Variants in ATP5MK observed in about 807,000 individuals in gnomAD.
The protein encoded by ATP5MK is ATP synthase F(0) complex subunit k, mitochondrial.
A neutral mutation model predicts 6.6 loss-of-function variants in ATP5MK; 5 were observed. The ratio of observed to expected loss-of-function variants is 0.76; its 90% CI spans 0.40 to 1.60. The LOEUF (loss-of-function observed/expected upper bound fraction) is 1.60, where lower values mean the gene tolerates loss of function less well. Among genes scored for constraint, ATP5MK ranks in the 40% most tolerant of loss-of-function variants. ATP5MK has a pLI of 0.02. For missense variants in ATP5MK, 57 were observed against 66.6 expected, an observed-to-expected ratio of 0.86 and a Z score of 0.50; for synonymous variants, 30 against 24.5, an observed-to-expected ratio of 1.22 and a Z score of -0.66.
intron 2 of ATP5MK, among the ~76,000 whole-genome samples, chr10:103,392,830 G>A (rs1433100418): frequency 6.6e-6 from 1 of 152,136 alleles, no homozygotes; most frequent in African/African-American, 2.4e-5. Context: ...TCAAAAATTG[G>A]AGCTGGTATT....
chr10:103,390,634 C>CA (rs1161693488), intron 4 of ATP5MK, among the ~76,000 whole-genome samples: 2 of 151,750 alleles, frequency 1.3e-5, no homozygotes, highest in South Asian at 2.1e-4. Flanking sequence ...ACTAAAAATA[C>CA]AAAAAAATTA....
intron 4 of ATP5MK, among the ~76,000 whole-genome samples, chr10:103,389,752 GAC>G (rs1374129477): frequency 6.6e-6 from 1 of 151,398 alleles, no homozygotes; most frequent in Non-Finnish European, 1.5e-5. Flanking sequence ...TTTGTTCGGA[GAC>G]ACAGTCTCGC....
In ATP5MK at chr10:103,392,140, T is replaced by C. The variant is rs536529110; in HGVS notation, c.*3+51A>G. On this transcript the variant is annotated intron_variant, in intron 4 of 4. Coordinates refer to ENST00000369815, the MANE Select transcript of ATP5MK (RefSeq NM_001206427.2). ...TTTTATACTAAATGTTAGGGAAAAATCCTAACATCAAAATGGCTAAATTAT... is the reference window on the plus strand; with the variant it reads ...TTTTATACTAAATGTTAGGGAAAAACCCTAACATCAAAATGGCTAAATTAT... 6 of 1,499,848 alleles carry C rather than the reference T, an allele frequency of 4.0e-6. No individual in the cohort carries two copies. The African/African-American group carries it at 7.0e-5, about 18-fold the overall frequency. 92.9% of individuals were successfully genotyped at this position (1,499,848 alleles called of 1,614,324 possible).
At position 103,392,461 on chromosome 10, in the gene ATP5MK, T is replaced by A; in HGVS notation, c.-4A>T. 1 of 1,579,574 alleles carries A rather than the reference T, an allele frequency of 6.3e-7. No individual in the cohort carries two copies. The highest frequency in any genetic ancestry group is 8.6e-7 in the Non-Finnish European group (1 of 1,169,098). On this transcript the variant is annotated 5_prime_UTR_variant, in exon 3 of 5. Coordinates refer to ENST00000369815, the MANE Select transcript of ATP5MK (RefSeq NM_001206427.2). ...CATCACTTTCTGGACCTGCCATGAT[T>A]TCAATCTTTTAAAAAAAGAAAGAAA...
rs780231765 is a variant in ATP5MK at position 103,392,210 on chromosome 10, GC to G, written c.160del (p.Ala54LeufsTer2). ...YFKLRSKKTP[A>X]VKAT ...TCTTACCATTTATGTTGCTTTCACA[GC>G]TGGAGTTTTTTTGGACCTTAACTTG... On this transcript the variant is annotated frameshift_variant, in exon 4 of 5. Transcript: ENST00000369815. LOFTEE classifies it high-confidence loss of function. 1.6e-5 allele frequency: 25 copies of G among 1,612,830 alleles called. No individual in the cohort carries two copies. The East Asian group carries it at 5.6e-4, about 36-fold the overall frequency.
chr10:103,394,798 A>T (rs2093425654), intron 2 of ATP5MK, among the ~76,000 whole-genome samples: 1 of 121,664 alleles, frequency 8.2e-6, no homozygotes, highest in African/African-American at 3.2e-5. Flanking sequence ...TTTTGGATTC[A>T]CTTCTTAGGG....
intron 2 of ATP5MK, 28 bp from the exon 3 acceptor site, chr10:103,392,494 T>A: frequency 6.6e-7 from 1 of 1,516,614 alleles, no homozygotes; most frequent in Non-Finnish European, 9.0e-7. Flanking sequence ...AAAGCAACAT[T>A]AAATTGGTTT....
intron 4 of ATP5MK, 88 bp downstream of exon 4, chr10:103,392,103 A>T: frequency 7.8e-7 from 1 of 1,282,258 alleles, no homozygotes; most frequent in African/African-American, 1.5e-5. Context: ...TTGCAAAATG[A>T]CAATGGTTTA....
intron 2 of ATP5MK, among the ~76,000 whole-genome samples, chr10:103,393,289 C>A (rs990266748): frequency 6.6e-6 from 1 of 152,056 alleles, no homozygotes; most frequent in Non-Finnish European, 1.5e-5. Context: ...GGAGTATAAA[C>A]TGGTAAAACC....
intron 4 of ATP5MK, among the ~76,000 whole-genome samples, chr10:103,389,929 ACCATGT>A (rs2093408982): frequency 2.0e-5 from 3 of 150,406 alleles, no homozygotes; most frequent in African/African-American, 7.3e-5. Flanking sequence ...ATGGGGTTTC[ACCATGT>A]TGGCCAGGCT....
At chr10:103,395,457 C>A (rs761151879) in intron 2 of ATP5MK, among the ~76,000 whole-genome samples, 1 of 152,162 alleles carries the variant, frequency 6.6e-6, no homozygotes, top group Non-Finnish European at 1.5e-5. Flanking sequence ...GCCACCACGC[C>A]CGGCTAATTT....
intron 2 of ATP5MK, among the ~76,000 whole-genome samples, chr10:103,394,753 G>GC (rs1466199257): frequency 7.0e-5 from 3 of 42,600 alleles, no homozygotes; most frequent in East Asian, 5.2e-4. Context: ...CCCGCCCCCC[G>GC]CCCCCCCACC....
intron 4 of ATP5MK, among the ~76,000 whole-genome samples, chr10:103,389,953 A>G (rs979647350): frequency 1.3e-5 from 2 of 151,570 alleles, no homozygotes; most frequent in Non-Finnish European, 2.9e-5. Flanking sequence ...GCTGGTCTCG[A>G]ACTCCTGATC....
At chr10:103,391,217 A>G (rs2093413521) in intron 4 of ATP5MK, among the ~76,000 whole-genome samples, 1 of 152,192 alleles carries the variant, frequency 6.6e-6, no homozygotes, top group South Asian at 2.1e-4. Flanking sequence ...CAAAAGACAC[A>G]CCCATTTACA....
At position 103,392,272 on chromosome 10, in the gene ATP5MK, G is replaced by A. The variant is rs1205964610; in HGVS notation, c.99C>T (p.Ala33=). Residue 33 remains alanine, a synonymous_variant, in exon 4 of 5, where the codon GCC becomes GCT. Coordinates refer to ENST00000369815, the MANE Select transcript of ATP5MK (RefSeq NM_001206427.2). ...CAATCAATGCAATGCTTCCATATGTGGCCAGTACACACTGAGAAAGAAAGA... is the reference window on the plus strand; with the variant it reads ...CAATCAATGCAATGCTTCCATATGTAGCCAGTACACACTGAGAAAGAAAGA... ...TLTGRMNCVL[A]TYGSIALIVL... 3.1e-6 allele frequency: 5 copies of A among 1,611,684 alleles called. No individual in the cohort carries two copies. The highest frequency in any genetic ancestry group is 4.2e-6 in the Non-Finnish European group (5 of 1,179,424).
chr10:103,390,987 AAG>A (rs757535915), intron 4 of ATP5MK, among the ~76,000 whole-genome samples: 1 of 152,220 alleles, frequency 6.6e-6, no homozygotes, highest in Non-Finnish European at 1.5e-5. Flanking sequence ...AAACTAGAAA[AAG>A]AAATATTTGC....
chr10:103,393,778 T>G (rs2133649803), intron 2 of ATP5MK, among the ~76,000 whole-genome samples: 1 of 152,334 alleles, frequency 6.6e-6, no homozygotes, highest in South Asian at 2.1e-4. Context: ...AATGAAATAC[T>G]GTTTATGAAA....
intron 2 of ATP5MK, among the ~76,000 whole-genome samples, chr10:103,392,989 G>A (rs2093419053): frequency 6.6e-6 from 1 of 152,050 alleles, no homozygotes; most frequent in Non-Finnish European, 1.5e-5. Flanking sequence ...AGCTACTGGT[G>A]GTAGTAAGGA....
intron 4 of ATP5MK, among the ~76,000 whole-genome samples, chr10:103,389,519 C>T (rs1279096777): frequency 2.0e-5 from 3 of 151,922 alleles, no homozygotes; most frequent in Admixed American, 2.0e-4. Context: ...GACAGGGTTT[C>T]ACCATGTTGG....
Sources: allele counts gnomAD v4.1 joint callset (sites outside exome capture counted in the v4.1 genomes callset), GRCh38; gene constraint gnomAD v4.1.1; transcripts MANE v1.5; gene names NCBI Gene and HGNC (gene_info 2026-07-23, HGNC 2026-07-21).